ELP4: variants seen among roughly 807,000 people sequenced by gnomAD.
The protein encoded by ELP4 is elongator complex protein 4.
ELP4 carries 51 observed loss-of-function variants against 48.9 expected under a neutral mutation model. The ratio of observed to expected loss-of-function variants is 1.04; its 90% confidence interval spans 0.83 to 1.32. ELP4 has a LOEUF of 1.32. Among genes scored for constraint, ELP4 ranks in the 40% most tolerant of loss-of-function variants. The pLI is 0.00. For missense variants in ELP4, 519 were observed against 514.6 expected, an observed-to-expected ratio of 1.01 and a Z score of -0.08; for synonymous variants, 210 against 189.2, an observed-to-expected ratio of 1.11 and a Z score of -0.90.
intron 2 of ELP4, among the ~76,000 whole-genome samples, chr11:31,524,568 C>T (rs907469255): frequency 1.3e-5 from 2 of 152,194 alleles, no homozygotes; most frequent in African/African-American, 4.8e-5. Flanking sequence ...TACACAAAGG[C>T]ATGAATACCA....
intron 3 of ELP4, among the ~76,000 whole-genome samples, chr11:31,562,710 G>C (rs1371186577): frequency 6.6e-6 from 1 of 152,056 alleles, no homozygotes; most frequent in African/African-American, 2.4e-5. Context: ...TATCTGATCT[G>C]TATGGAATTT....
chr11:31,747,290 G>GGA (rs1947617095), intron 9 of ELP4, among the ~76,000 whole-genome samples: 1 of 152,086 alleles, frequency 6.6e-6, no homozygotes, highest in African/African-American at 2.4e-5. Flanking sequence ...GGGGCCAAGT[G>GGA]GAGGCTCTTA....
intron 9 of ELP4, among the ~76,000 whole-genome samples, chr11:31,700,079 G>A (rs1946489995): frequency 6.6e-6 from 1 of 152,068 alleles, no homozygotes; most frequent in Admixed American, 6.6e-5. Context: ...GGCTTATATG[G>A]TGATTCTGTA....
chr11:31,676,061 G>A (rs775226701), intron 9 of ELP4, among the ~76,000 whole-genome samples: 4 of 151,650 alleles, frequency 2.6e-5, no homozygotes, highest in Non-Finnish European at 5.9e-5. Flanking sequence ...GTCCTTAAGT[G>A]ACCACCAAGA....
intron 5 of ELP4, among the ~76,000 whole-genome samples, chr11:31,616,566 T>A (rs542467431): frequency 6.6e-6 from 1 of 151,966 alleles, no homozygotes; most frequent in South Asian, 2.1e-4. Flanking sequence ...AAAGCAAAAA[T>A]AGACAAATAG....
intron 3 of ELP4, among the ~76,000 whole-genome samples, chr11:31,567,807 AC>A (rs1237066124): frequency 1.3e-5 from 2 of 152,180 alleles, no homozygotes; most frequent in African/African-American, 2.4e-5. Flanking sequence ...ATTTAAAAAG[AC>A]CTTATTGCTA....
intron 9 of ELP4, among the ~76,000 whole-genome samples, chr11:31,670,507 T>C (rs1028879524): frequency 6.6e-6 from 1 of 152,170 alleles, no homozygotes; most frequent in Non-Finnish European, 1.5e-5. Context: ...GCCACTCTGC[T>C]ACCCTTCTAA....
intron 9 of ELP4, among the ~76,000 whole-genome samples, chr11:31,666,169 C>G (rs1024138290): frequency 3.3e-5 from 5 of 151,410 alleles, no homozygotes. Context: ...CTACCACACC[C>G]GACTAGTCTT....
At chr11:31,536,848 T>C (rs561134978) in intron 2 of ELP4, among the ~76,000 whole-genome samples, 124 of 152,352 alleles carry the variant, frequency 8.1e-4, no homozygotes, top group African/African-American at 2.9e-3. Flanking sequence ...TCTTACTGCA[T>C]TATGAAAGTT....
intron 1 of ELP4, among the ~76,000 whole-genome samples, chr11:31,514,521 G>C (rs1956071090): frequency 6.6e-6 from 1 of 152,146 alleles, no homozygotes; most frequent in African/African-American, 2.4e-5. Context: ...TCTAAGTTAG[G>C]ATGAAAGGGG....
intron 9 of ELP4, among the ~76,000 whole-genome samples, chr11:31,759,388 C>A (rs930567071): frequency 1.3e-5 from 2 of 152,188 alleles, no homozygotes; most frequent in African/African-American, 2.4e-5. Flanking sequence ...ATGACTGGAG[C>A]ACCTATGCTA....
chr11:31,690,476 T>A (rs184876942), intron 9 of ELP4, among the ~76,000 whole-genome samples: 1 of 152,134 alleles, frequency 6.6e-6, no homozygotes, highest in Non-Finnish European at 1.5e-5. Flanking sequence ...TTATTTCTAC[T>A]AAAATGTGAG....
At chr11:31,753,933 T>G (rs1359189868) in intron 9 of ELP4, among the ~76,000 whole-genome samples, 2 of 152,216 alleles carry the variant, frequency 1.3e-5, no homozygotes, top group Non-Finnish European at 2.9e-5. Flanking sequence ...CACAGGAATC[T>G]TCACTATTCT....
At chr11:31,575,029 C>T (rs895767278) in intron 3 of ELP4, among the ~76,000 whole-genome samples, 1 of 152,068 alleles carries the variant, frequency 6.6e-6, no homozygotes, top group Non-Finnish European at 1.5e-5. Flanking sequence ...CACAAAGAAG[C>T]TAAAAACCTT....
At chr11:31,714,086 G>T (rs141056002) in intron 9 of ELP4, among the ~76,000 whole-genome samples, 1 of 152,246 alleles carries the variant, frequency 6.6e-6, no homozygotes, top group Admixed American at 6.5e-5. Flanking sequence ...GAAAAGACCA[G>T]CACTGTATGA....
chr11:31,779,198 C>T (rs1948314872), intron 9 of ELP4, among the ~76,000 whole-genome samples: 1 of 152,178 alleles, frequency 6.6e-6, no homozygotes, highest in African/African-American at 2.4e-5. Flanking sequence ...AAGTATACTA[C>T]ATCAGTTGTT....
intron 9 of ELP4, among the ~76,000 whole-genome samples, chr11:31,774,436 C>T (rs1948205349): frequency 6.6e-6 from 1 of 152,160 alleles, no homozygotes; most frequent in African/African-American, 2.4e-5. Flanking sequence ...GTATTTTCAA[C>T]CCCATGGGGC....
intron 3 of ELP4, among the ~76,000 whole-genome samples, chr11:31,548,738 C>T (rs1956781532): frequency 6.6e-6 from 1 of 152,156 alleles, no homozygotes; most frequent in Non-Finnish European, 1.5e-5. Context: ...TCAAACTATA[C>T]TACAAGGCTA....
At chr11:31,642,663 T>C (rs1341180094) in intron 7 of ELP4, among the ~76,000 whole-genome samples, 1 of 151,882 alleles carries the variant, frequency 6.6e-6, no homozygotes, top group Non-Finnish European at 1.5e-5. Context: ...AAATTAACCA[T>C]GACTTGAAGT....
Sources: allele counts gnomAD v4.1 joint callset (sites outside exome capture counted in the v4.1 genomes callset), GRCh38; gene constraint gnomAD v4.1.1; transcripts MANE v1.5; gene names NCBI Gene and HGNC (gene_info 2026-07-23, HGNC 2026-07-21).